The following NCKAP1 variants were observed in gnomAD, a reference collection of about 807,000 sequenced individuals.
NCKAP1 encodes nck-associated protein 1.
NCKAP1 carries 21 observed loss-of-function variants against 151.2 expected under a neutral mutation model. The observed-to-expected ratio is 0.14, with a 90% CI of 0.10 to 0.20. The LOEUF is 0.20. Ranked by LOEUF, NCKAP1 falls within the 10% of genes least tolerant of loss-of-function variation. The pLI is 1.00. For synonymous variants in NCKAP1, 484 were observed against 451.8 expected, an observed-to-expected ratio of 1.07 and a Z score of -0.90; for missense variants, 933 against 1,352.1, an observed-to-expected ratio of 0.69 and a Z score of 4.86.
intron 23 of NCKAP1, among the ~76,000 whole-genome samples, chr2:182,945,353 G>A (rs187995822): frequency 4.0e-4 from 61 of 151,988 alleles, no homozygotes; most frequent in African/African-American, 1.4e-3. Flanking sequence ...AGCTATGAAC[G>A]TGCAACTGCA....
chr2:182,967,140 AAC>A, intron 16 of NCKAP1, 74 bp downstream of exon 16: 1 of 1,380,340 alleles, frequency 7.2e-7, no homozygotes, highest in Non-Finnish European at 1.0e-6. Flanking sequence ...GGACTATGCT[AAC>A]ACAAAAATAA....
At chr2:182,996,198 G>C (rs551220955) in intron 6 of NCKAP1, among the ~76,000 whole-genome samples, 1 of 152,292 alleles carries the variant, frequency 6.6e-6, no homozygotes, top group South Asian at 2.1e-4. Flanking sequence ...GTTTCTGATA[G>C]TTCCAAAAGA....
rs1046119326 is a variant in NCKAP1, at chr2:182,917,105, A to T, written c.*8597T>A. On this transcript the variant is annotated 3_prime_UTR_variant, in exon 31 of 31. Coordinates refer to ENST00000361354, the MANE Select transcript of NCKAP1 (RefSeq NM_013436.5). ...GTAGCCTCTTCTTCCCCACCATCTCATCAATTTATACGCATGATCTTATTT... is the reference window on the plus strand; with the variant it reads ...GTAGCCTCTTCTTCCCCACCATCTCTTCAATTTATACGCATGATCTTATTT... 1 of 152,208 alleles carries T rather than the reference A, an allele frequency of 6.6e-6. No homozygotes were observed. The highest frequency in any genetic ancestry group is 2.4e-5 in the African/African-American group (1 of 41,452). The allele number at this position is 152,208 out of a possible 1,614,324, so 9.4% of individuals were successfully genotyped here. A position where few individuals can be genotyped will look rare whatever the true frequency, so the allele number is the denominator to read the frequency against.
intron 20 of NCKAP1, among the ~76,000 whole-genome samples, chr2:182,954,938 A>G (rs1447829200): frequency 6.6e-6 from 1 of 152,194 alleles, no homozygotes; most frequent in African/African-American, 2.4e-5. Flanking sequence ...TTTACAAGGA[A>G]AACAAGGGAG....
At chr2:182,991,196 C>T (rs149502409) in intron 8 of NCKAP1, among the ~76,000 whole-genome samples, 1 of 152,248 alleles carries the variant, frequency 6.6e-6, no homozygotes, top group East Asian at 1.9e-4. Flanking sequence ...TTGTTTTTAA[C>T]ATACGTGTTA....
At chr2:182,986,068 C>T in intron 10 of NCKAP1, 103 bp downstream of exon 10, 1 of 1,034,892 alleles carries the variant, frequency 9.7e-7, no homozygotes, top group Non-Finnish European at 1.5e-6. Context: ...CCCTCTTCTA[C>T]TACCATATCT....
At chr2:182,998,432 C>G (rs1363293446) in intron 6 of NCKAP1, among the ~76,000 whole-genome samples, 1 of 152,026 alleles carries the variant, frequency 6.6e-6, no homozygotes, top group Non-Finnish European at 1.5e-5. Flanking sequence ...TAATTCTATA[C>G]CTAGAAAACT....
chr2:182,930,613 A>G, intron 27 of NCKAP1, 82 bp downstream of exon 27: 4 of 1,044,322 alleles, frequency 3.8e-6, no homozygotes, highest in Admixed American at 2.2e-5. Context: ...GCATTTGAAT[A>G]TATGGTTAAA....
intron 19 of NCKAP1, 111 bp from the exon 20 acceptor site, chr2:182,956,704 C>T (rs1389119485): frequency 9.0e-7 from 1 of 1,114,438 alleles, no homozygotes; most frequent in African/African-American, 1.6e-5. Context: ...GAGAATTCGA[C>T]TTTTTATTCT....
chr2:183,011,285 G>T (rs752689454), intron 2 of NCKAP1, among the ~76,000 whole-genome samples: 2 of 152,056 alleles, frequency 1.3e-5, no homozygotes, highest in African/African-American at 2.4e-5. Flanking sequence ...AAATCATTTG[G>T]TTTTTTACAG....
At chr2:182,959,198 C>T (rs1697388377) in intron 18 of NCKAP1, among the ~76,000 whole-genome samples, 1 of 152,138 alleles carries the variant, frequency 6.6e-6, no homozygotes, top group Non-Finnish European at 1.5e-5. Context: ...AATTACATTG[C>T]ATTTCTATTG....
At chr2:183,011,055 C>A (rs1418700546) in intron 2 of NCKAP1, among the ~76,000 whole-genome samples, 4 of 152,174 alleles carry the variant, frequency 2.6e-5, no homozygotes, top group Non-Finnish European at 5.9e-5. Context: ...ACAAGATAAT[C>A]TGACATTAAA....
chr2:182,923,572 G>T lies in NCKAP1; in HGVS notation c.*2130C>A, dbSNP rs1328978409. The T allele has an allele frequency of 6.6e-6, 1 of 152,134 alleles. No homozygotes were observed. Among genetic ancestry groups the T allele is most frequent in the Non-Finnish European group, 1.5e-5 (1 of 68,034 alleles). 9.4% of individuals were successfully genotyped at this position (152,134 alleles called of 1,614,324 possible). On this transcript the variant is annotated 3_prime_UTR_variant, in exon 31 of 31. Transcript: ENST00000361354. Reference sequence around the variant, plus strand: ...GGCGTGTGCCACTACGCCTGGCCATGAAATTGTTAAATTAGTTATGGTATC... The same window carrying T: ...GGCGTGTGCCACTACGCCTGGCCATTAAATTGTTAAATTAGTTATGGTATC...
chr2:182,985,141 A>C (rs1259499646), intron 10 of NCKAP1, among the ~76,000 whole-genome samples: 1 of 152,230 alleles, frequency 6.6e-6, no homozygotes. Flanking sequence ...GAGGAATGAT[A>C]TAGCACAGAT....
At chr2:182,962,089 A>G in intron 18 of NCKAP1, 70 bp downstream of exon 18, 1 of 1,487,742 alleles carries the variant, frequency 6.7e-7, no homozygotes, top group Non-Finnish European at 9.1e-7. Context: ...TAAAACAACA[A>G]CTGGCTAAAA....
Position 182,910,956 on chromosome 2 carries a change from C to CT in NCKAP1, c.*14745_*14746insA, listed in dbSNP as rs1553507039. ...TAAAAATAAAATCCTAAGCTCCCCC[C>CT]CCACATTTGACTAAACAGACCCTCT... On this transcript the variant is annotated 3_prime_UTR_variant, in exon 31 of 31. Coordinates refer to ENST00000361354, the MANE Select transcript of NCKAP1 (RefSeq NM_013436.5). The CT allele has an allele frequency of 1.4e-5, 2 of 147,974 alleles. No individual in the cohort carries two copies. Among genetic ancestry groups the CT allele is most frequent in the African/African-American group, 4.9e-5 (2 of 40,596 alleles). The allele number at this position is 147,974 out of a possible 1,614,324, so 9.2% of individuals were successfully genotyped here.
rs150206763 is a variant in NCKAP1, at chr2:182,979,429, C to T, written c.1342-514G>A. On this transcript the variant is annotated intron_variant, in intron 13 of 30. Transcript: ENST00000361354. ...AAAATTAAGACCTAAAAATCCTTTT[C>T]AATCTAGCTTAAAAAATGAATATTT... Among the ~76,000 whole-genome samples, 461 of 152,116 alleles carry T rather than the reference C, an allele frequency of 3.0e-3. 2 individuals are homozygous for T. Among genetic ancestry groups the T allele is most frequent in the African/African-American group, 9.8e-3 (409 of 41,538 alleles).
intron 14 of NCKAP1, among the ~76,000 whole-genome samples, chr2:182,977,395 T>A (rs1377429341): frequency 6.6e-6 from 1 of 151,962 alleles, no homozygotes; most frequent in Admixed American, 6.6e-5. Flanking sequence ...GAGACTAAGG[T>A]GGGACAATTG....
chr2:182,952,293 G>T, intron 23 of NCKAP1, 112 bp downstream of exon 23: 1 of 612,844 alleles, frequency 1.6e-6, no homozygotes, highest in Non-Finnish European at 2.7e-6. Flanking sequence ...TTTCATATTA[G>T]TACTTTCATG....
Sources: gnomAD v4.1 joint callset for allele counts (sites outside exome capture counted in the v4.1 genomes callset) on GRCh38, gnomAD v4.1.1 for gene constraint, MANE v1.5 for transcripts, NCBI Gene and HGNC (gene_info 2026-07-23, HGNC 2026-07-21) for gene names.